Variants in SORBS2 observed in about 807,000 individuals in gnomAD.
SORBS2 encodes the protein sorbin and SH3 domain containing 2.
Under a neutral mutation model 97.7 loss-of-function variants are expected in SORBS2, and 46 were observed. The observed-to-expected ratio is 0.47, with a 90% CI of 0.37 to 0.60. SORBS2 has a LOEUF of 0.60. Ranked by LOEUF, SORBS2 falls within the 20% of genes least tolerant of loss-of-function variation. The pLI, the probability that SORBS2 is intolerant of heterozygous loss-of-function variation, is 0.00. For missense variants in SORBS2, 1,316 were observed against 1,282.3 expected (o/e 1.03, Z -0.40); for synonymous variants, 476 against 473.4 (o/e 1.01, Z -0.07).
intron 2 of SORBS2, among the ~76,000 whole-genome samples, chr4:185,732,069 T>G (rs2098645138): frequency 6.6e-6 from 1 of 151,860 alleles, no homozygotes; most frequent in Non-Finnish European, 1.5e-5. Flanking sequence ...AATATGCACA[T>G]GTGAAACCTG....
chr4:185,829,985 T>G (rs1271947298), intron 1 of SORBS2, among the ~76,000 whole-genome samples: 1 of 152,172 alleles, frequency 6.6e-6, no homozygotes, highest in Non-Finnish European at 1.5e-5. Flanking sequence ...ACTCCTGCAT[T>G]CTCTATATAT....
intron 2 of SORBS2, among the ~76,000 whole-genome samples, chr4:185,736,931 C>T (rs2098691464): frequency 6.6e-6 from 1 of 152,224 alleles, no homozygotes; most frequent in Non-Finnish European, 1.5e-5. Flanking sequence ...GGCACGGTTT[C>T]TCCCTGTGCC....
intron 1 of SORBS2, among the ~76,000 whole-genome samples, chr4:185,896,239 A>G (rs1285867705): frequency 6.6e-6 from 1 of 152,238 alleles, no homozygotes; most frequent in Non-Finnish European, 1.5e-5. Context: ...AAAAGGGGTA[A>G]TTTTTGGCAT....
At chr4:185,622,557 C>T (rs911835531) in intron 7 of SORBS2, among the ~76,000 whole-genome samples, 1 of 152,074 alleles carries the variant, frequency 6.6e-6, no homozygotes. Context: ...TTTTAAAAGG[C>T]TATTTGTGGA....
At chr4:185,589,885 TAAC>T in intron 13 of SORBS2, 100 bp from the exon 26 acceptor site, 2 of 752,176 alleles carry the variant, frequency 2.7e-6, no homozygotes, top group Non-Finnish European at 4.6e-6. Context: ...TTCCTATTCT[TAAC>T]AACATTCTGT....
At chr4:185,848,679 C>T (rs867341364) in intron 1 of SORBS2, among the ~76,000 whole-genome samples, 11 of 119,588 alleles carry the variant, frequency 9.2e-5, no homozygotes, top group African/African-American at 1.7e-4. Context: ...GGTCTCCATA[C>T]ATTGCTCAGG....
At chr4:185,641,906 A>C (rs768763018) in intron 4 of SORBS2, among the ~76,000 whole-genome samples, 8 of 152,172 alleles carry the variant, frequency 5.3e-5, no homozygotes, top group Non-Finnish European at 1.0e-4. Context: ...ACAACTTTAA[A>C]AATTTTAGTG....
At chr4:185,687,911 G>A (rs551411170) in intron 2 of SORBS2, among the ~76,000 whole-genome samples, 1 of 152,262 alleles carries the variant, frequency 6.6e-6, no homozygotes, top group South Asian at 2.1e-4. Flanking sequence ...CCTTTCATGT[G>A]TCAGTTTATC....
intron 1 of SORBS2, among the ~76,000 whole-genome samples, chr4:185,890,386 A>G (rs1380753402): frequency 2.0e-5 from 3 of 152,170 alleles, no homozygotes; most frequent in Non-Finnish European, 4.4e-5. Context: ...AAGCACTTAC[A>G]GATGTTATCT....
At chr4:185,677,275 G>C in intron 4 of SORBS2, 1 of 1,552,072 alleles carries the variant, frequency 6.4e-7, no homozygotes, top group Non-Finnish European at 8.7e-7. Flanking sequence ...CCTAGATCCT[G>C]GTTATGGGTT....
intron 2 of SORBS2, among the ~76,000 whole-genome samples, chr4:185,696,662 G>A (rs564730941): frequency 1.3e-5 from 2 of 152,100 alleles, no homozygotes; most frequent in African/African-American, 2.4e-5. Context: ...GGCTGGTCTC[G>A]AACTCCTGAC....
chr4:185,903,551 C>T (rs556908111), intron 1 of SORBS2, among the ~76,000 whole-genome samples: 2 of 152,294 alleles, frequency 1.3e-5, no homozygotes, highest in South Asian at 2.1e-4. Context: ...AGGGGTCCCT[C>T]TGATACCTGC....
At chr4:185,883,581 A>G (rs566426242) in intron 1 of SORBS2, among the ~76,000 whole-genome samples, 1 of 152,374 alleles carries the variant, frequency 6.6e-6, no homozygotes, top group Non-Finnish European at 1.5e-5. Context: ...AGCTTTATTT[A>G]TAATAGCTGA....
chr4:185,732,195 C>A (rs1040602542), intron 2 of SORBS2, among the ~76,000 whole-genome samples: 2 of 151,884 alleles, frequency 1.3e-5, no homozygotes, highest in Admixed American at 1.3e-4. Context: ...TAAGTAAACT[C>A]CCAGGCATTC....
At position 185,706,508 on chromosome 4, in the gene SORBS2, A is replaced by G. The variant is rs956670165; in HGVS notation, c.-197-27686T>C. 2.0e-5 allele frequency among the ~76,000 whole-genome samples: 3 copies of G among 152,174 alleles called. No homozygotes were observed. In the East Asian group the frequency reaches 5.8e-4, roughly 29 times the overall value. ...TAAACCACAATCCTTGGTGCATGAC[A>G]AGGTCATGTACATCCCCCTCCCTCC... On this transcript the variant is annotated intron_variant, in intron 2 of 20. Coordinates refer to the SORBS2 transcript ENST00000284776.
At chr4:185,905,085 C>T (rs1325854894) in intron 1 of SORBS2, among the ~76,000 whole-genome samples, 1 of 149,694 alleles carries the variant, frequency 6.7e-6, no homozygotes, top group African/African-American at 2.5e-5. Context: ...GCCTGGGCAA[C>T]AAGAGTGAAA....
chr4:185,809,003 T>G (rs541358396), intron 1 of SORBS2, among the ~76,000 whole-genome samples: 6 of 152,324 alleles, frequency 3.9e-5, no homozygotes, highest in African/African-American at 1.4e-4. Flanking sequence ...GGATTTATTA[T>G]AGGACAGTTG....
At chr4:185,690,305 G>GT in intron 2 of SORBS2, among the ~76,000 whole-genome samples, 1 of 152,258 alleles carries the variant, frequency 6.6e-6, no homozygotes, top group Non-Finnish European at 1.5e-5. Flanking sequence ...TCTTCCTATT[G>GT]TTTATAGGAG....
At chr4:185,699,916 A>C (rs1049481015) in intron 2 of SORBS2, among the ~76,000 whole-genome samples, 5 of 152,248 alleles carry the variant, frequency 3.3e-5, no homozygotes, top group African/African-American at 1.2e-4. Flanking sequence ...TACTAAATGT[A>C]CAAGTGTTAA....
Sources: gnomAD v4.1 joint callset for allele counts (sites outside exome capture counted in the v4.1 genomes callset) on GRCh38, gnomAD v4.1.1 for gene constraint, MANE v1.5 for transcripts, NCBI Gene and HGNC (gene_info 2026-07-23, HGNC 2026-07-21) for gene names.